The following ANKRD12 variants were observed in gnomAD, a reference collection of about 807,000 sequenced individuals.
ANKRD12 encodes ankyrin repeat domain 12.
ANKRD12 carries 85 observed loss-of-function variants against 183.4 expected under a neutral mutation model. That is an observed-to-expected ratio of 0.46 (90% CI 0.39 to 0.56). The LOEUF is 0.56. ANKRD12 is among the 20% of genes least tolerant of loss of function. The pLI, the probability that ANKRD12 is intolerant of heterozygous loss-of-function variation, is 0.00. For missense variants in ANKRD12, 2,405 were observed against 2,357.1 expected (o/e 1.02, Z -0.42); for synonymous variants, 914 against 800.2 (o/e 1.14, Z -2.40).
intron 6 of ANKRD12, among the ~76,000 whole-genome samples, chr18:9,214,378 A>C (rs2035976498): frequency 6.6e-6 from 1 of 152,150 alleles, no homozygotes; most frequent in Non-Finnish European, 1.5e-5. Flanking sequence ...ACTGTAGTAC[A>C]TATTATACTC....
chr18:9,219,958 C>T (rs2036327064), intron 7 of ANKRD12, among the ~76,000 whole-genome samples: 1 of 152,174 alleles, frequency 6.6e-6, no homozygotes, highest in Non-Finnish European at 1.5e-5. Flanking sequence ...AACTGTTCTT[C>T]ACCAGCAGAC....
At chr18:9,272,885 A>G (rs1453738421) in intron 10 of ANKRD12, among the ~76,000 whole-genome samples, 2 of 152,186 alleles carry the variant, frequency 1.3e-5, no homozygotes, top group Non-Finnish European at 2.9e-5. Context: ...ATTTTTGGAT[A>G]TAATATGGCC....
intron 12 of ANKRD12, 45 bp downstream of exon 12, chr18:9,279,689 T>TAA: frequency 9.1e-7 from 1 of 1,093,890 alleles, no homozygotes; most frequent in Non-Finnish European, 1.3e-6. Context: ...TTCCCCCTTC[T>TAA]TAAAAAAAAA....
At chr18:9,146,220 C>T (rs568200802) in intron 1 of ANKRD12, among the ~76,000 whole-genome samples, 14 of 152,066 alleles carry the variant, frequency 9.2e-5, no homozygotes, top group African/African-American at 2.4e-4. Flanking sequence ...TTTTTTCCCC[C>T]GATTCAAAAA....
At chr18:9,259,899 C>T (rs1002408635) in intron 9 of ANKRD12, 6 of 152,066 alleles carry the variant, frequency 3.9e-5, no homozygotes, top group African/African-American at 1.2e-4. Context: ...ATAGTATATG[C>T]TAAAGCCCAT....
intron 1 of ANKRD12, among the ~76,000 whole-genome samples, chr18:9,155,475 A>G (rs1392384879): frequency 6.6e-6 from 1 of 152,216 alleles, no homozygotes; most frequent in African/African-American, 2.4e-5. Flanking sequence ...CACCTGTAGG[A>G]TAATCCCAGA....
Position 9,258,871 on chromosome 18 carries a change from A to T in ANKRD12, c.5604A>T (p.Val1868=). Residue 1868 remains valine (V), a synonymous_variant, in exon 9 of 13, where the codon GTA becomes GTT. Transcript: ENST00000262126. ...CACCTCAGTACTATGACGAATATGT[A>T]ACATTTAACGGATCATATCTCCTGG... The part of the protein sequence containing the change: ...PQAPQYYDEY[V]TFNGSYLLDG... 3 of 1,613,364 alleles carry T rather than the reference A, an allele frequency of 1.9e-6. 1 individual carries two copies. In the South Asian group the frequency reaches 3.3e-5, roughly 18 times the overall value.
chr18:9,254,898 CCAAA>C lies in ANKRD12; in HGVS notation c.1634_1637del (p.Lys545IlefsTer5). ...TTTCATATTTCCACTGGTAAATCTC[CCAAA>C]CATTCTTGTGGATTAAGTGAAAAAC... On this transcript the variant is annotated frameshift_variant, in exon 9 of 13. Transcript: ENST00000262126. LOFTEE classifies it high-confidence loss of function. 1 of 1,552,208 alleles carries C rather than the reference CCAAA, an allele frequency of 6.4e-7. No individual in the cohort carries two copies. The highest frequency in any genetic ancestry group is 8.7e-7 in the Non-Finnish European group (1 of 1,152,202).
At chr18:9,150,528 AAGGACATTGTTG>A (rs1271270661) in intron 1 of ANKRD12, among the ~76,000 whole-genome samples, 22 of 152,334 alleles carry the variant, frequency 1.4e-4, no homozygotes, top group Admixed American at 6.5e-4. Context: ...ACATTGTTTT[AAGGACATTGTTG>A]AGGACAGTTT....
chr18:9,187,868 C>G (rs1236656060), intron 2 of ANKRD12, among the ~76,000 whole-genome samples: 1 of 152,142 alleles, frequency 6.6e-6, no homozygotes, highest in Non-Finnish European at 1.5e-5. Flanking sequence ...TCTGTTATAT[C>G]CTTTTCGTCA....
chr18:9,251,190 T>A (rs369529655), intron 8 of ANKRD12, among the ~76,000 whole-genome samples: 2 of 152,192 alleles, frequency 1.3e-5, no homozygotes, highest in Non-Finnish European at 2.9e-5. Context: ...AACACCTCTC[T>A]GCCTATTATT....
At chr18:9,145,169 C>T (rs147806220) in intron 1 of ANKRD12, among the ~76,000 whole-genome samples, 165 of 152,270 alleles carry the variant, frequency 1.1e-3, no homozygotes, top group Middle Eastern at 3.4e-3. Flanking sequence ...GTTGCCCAGG[C>T]TGGAGTGCAG....
intron 1 of ANKRD12, among the ~76,000 whole-genome samples, chr18:9,157,117 A>AGG (rs1487347226): frequency 2.0e-5 from 3 of 152,368 alleles, no homozygotes; most frequent in African/African-American, 7.2e-5. Flanking sequence ...TTCTAGAATT[A>AGG]GGATGGCGTT....
intron 5 of ANKRD12, among the ~76,000 whole-genome samples, chr18:9,209,471 G>T (rs1252650717): frequency 6.6e-6 from 1 of 152,142 alleles, no homozygotes; most frequent in East Asian, 1.9e-4. Flanking sequence ...AGTCCATGTT[G>T]AAATGCATTG....
intron 1 of ANKRD12, among the ~76,000 whole-genome samples, chr18:9,173,037 G>A (rs1345104147): frequency 1.3e-5 from 2 of 149,980 alleles, no homozygotes; most frequent in Non-Finnish European, 3.0e-5. Flanking sequence ...GATTATAGGC[G>A]TGAGCCACTC....
At chr18:9,203,116 T>C (rs981053510) in intron 3 of ANKRD12, among the ~76,000 whole-genome samples, 5 of 152,250 alleles carry the variant, frequency 3.3e-5, no homozygotes, top group Non-Finnish European at 5.9e-5. Flanking sequence ...ATATTATTTT[T>C]CATGAAATTT....
At chr18:9,173,753 G>A (rs986613553) in intron 1 of ANKRD12, among the ~76,000 whole-genome samples, 2 of 152,188 alleles carry the variant, frequency 1.3e-5, no homozygotes, top group East Asian at 3.8e-4. Context: ...GATGCAGTCT[G>A]GTTGCTTTTT....
chr18:9,208,803 G>GGTGATAC lies in ANKRD12; in HGVS notation c.451+1_451+7dup. On this transcript the variant is annotated frameshift_variant and splice_region_variant. Transcript: ENST00000262126. LOFTEE classifies it high-confidence loss of function. ...GATGACAGCAAGAGACAACAGTCCA[G>GGTGATAC]GTGATACCTACCATCATTGAGTTAA... The GGTGATAC allele has an allele frequency of 6.4e-7, 1 of 1,568,038 alleles. No individual in the cohort carries two copies. Among genetic ancestry groups the GGTGATAC allele is most frequent in the Non-Finnish European group, 8.6e-7 (1 of 1,157,438 alleles).
chr18:9,151,884 T>C (rs2078696968), intron 1 of ANKRD12, among the ~76,000 whole-genome samples: 1 of 152,194 alleles, frequency 6.6e-6, no homozygotes, highest in Non-Finnish European at 1.5e-5. Context: ...CATAGCCTTT[T>C]TATTGAACTT....
Sources: allele counts gnomAD v4.1 joint callset (sites outside exome capture counted in the v4.1 genomes callset), GRCh38; gene constraint gnomAD v4.1.1; transcripts MANE v1.5; gene names NCBI Gene and HGNC (gene_info 2026-07-23, HGNC 2026-07-21).